The following F5 variants were observed in gnomAD, a reference collection of about 807,000 sequenced individuals.
F5 encodes activated protein c cofactor.
F5 carries 138 observed loss-of-function variants against 216.4 expected under a neutral mutation model. That is an observed-to-expected ratio of 0.64 (90% CI 0.56 to 0.73). F5 has a LOEUF of 0.73. F5 is among the 30% of genes least tolerant of loss of function. The pLI is 0.00. For missense variants in F5, 2,403 were observed against 2,674.0 expected (o/e 0.90, Z 2.24); for synonymous variants, 916 against 930.7 (o/e 0.98, Z 0.29).
chr1:169,528,388 G>A (rs1051124980), intron 16 of F5, among the ~76,000 whole-genome samples: 7 of 152,108 alleles, frequency 4.6e-5, no homozygotes, highest in East Asian at 3.8e-4. Flanking sequence ...TGCTTTACCC[G>A]TGTATACTTT....
At chr1:169,517,407 C>G (rs1659185805) in intron 23 of F5, among the ~76,000 whole-genome samples, 1 of 152,100 alleles carries the variant, frequency 6.6e-6, no homozygotes. Context: ...ATTTACGCCA[C>G]CAGCACCACA....
At position 169,586,440 on chromosome 1, in the gene F5, T is replaced by G; in HGVS notation, c.-54A>C. 6.3e-7 allele frequency: 1 copy of G among 1,582,702 alleles called. No individual in the cohort carries two copies. The highest frequency in any genetic ancestry group is 1.1e-5 in the South Asian group (1 of 88,634). ...ACCACCCCAGGACCTGGGCAGCGCT[T>G]GCCGAGCTGCTAACCACACTCCGGG... On this transcript the variant is annotated 5_prime_UTR_variant, in exon 1 of 25. Coordinates refer to ENST00000367797, the MANE Select transcript of F5 (RefSeq NM_000130.5).
chr1:169,582,317 A>AT, intron 2 of F5, 114 bp downstream of exon 2: 1 of 604,004 alleles, frequency 1.7e-6, no homozygotes, highest in South Asian at 2.2e-5. Flanking sequence ...TTCTTAAAAA[A>AT]AAAACCACAC....
intron 20 of F5, among the ~76,000 whole-genome samples, chr1:169,523,578 G>A (rs1659361030): frequency 6.6e-6 from 1 of 152,172 alleles, no homozygotes; most frequent in Non-Finnish European, 1.5e-5. Context: ...AAGGTAGGTA[G>A]TATCTCTGTG....
Position 169,518,450 on chromosome 1 carries a change from G to A in F5, c.6307C>T (p.Leu2103=). 1 of 1,613,816 alleles carries A rather than the reference G, an allele frequency of 6.2e-7. No individual in the cohort carries two copies. Among genetic ancestry groups the A allele is most frequent in the Non-Finnish European group, 8.5e-7 (1 of 1,179,812 alleles). Residue 2103 remains leucine (L), a synonymous_variant, in exon 23 of 25, where the codon CTG becomes TTG. Transcript: ENST00000367797. ...GDYWEPFRAR[L]NAQGRVNAWQ... Reference sequence around the variant, plus strand: ...GCATTCACACGTCCCTGGGCATTCAGACGGGCACGGAAGGGTTCCCAGTAA... The same window carrying A: ...GCATTCACACGTCCCTGGGCATTCAAACGGGCACGGAAGGGTTCCCAGTAA...
rs551194028 is a variant in F5, at chr1:169,518,598, C to T, written c.6194-35G>A. On this transcript the variant is annotated intron_variant, in intron 22 of 24. Coordinates refer to ENST00000367797, the MANE Select transcript of F5 (RefSeq NM_000130.5). ...GAAAAGTAACGTGATTAATTACACA[C>T]CAATATTCCCTGCATGGCTTCATGC... is the stretch of plus-strand genomic sequence containing the variant. 5.6e-6 allele frequency: 9 copies of T among 1,610,696 alleles called. No individual in the cohort carries two copies. The South Asian group carries it at 8.8e-5, about 16-fold the overall frequency.
intron 10 of F5, among the ~76,000 whole-genome samples, chr1:169,547,591 G>T (rs767576503): frequency 1.1e-4 from 17 of 152,088 alleles, no homozygotes; most frequent in African/African-American, 3.9e-4. Context: ...TGAAAAAAAC[G>T]CTCAACATCA....
intron 19 of F5, among the ~76,000 whole-genome samples, chr1:169,524,224 C>G (rs543412325): frequency 1.2e-3 from 188 of 152,350 alleles, no homozygotes; most frequent in Middle Eastern, 0.01. Flanking sequence ...GGAGCCTCAT[C>G]ATCCTCTTGA....
At chr1:169,527,142 A>G (rs1190047714) in intron 17 of F5, among the ~76,000 whole-genome samples, 1 of 152,110 alleles carries the variant, frequency 6.6e-6, no homozygotes, top group Non-Finnish European at 1.5e-5. Flanking sequence ...ATTACTTTTA[A>G]TAGAAGGCAA....
chr1:169,534,216 G>C (rs1285142336), intron 14 of F5, among the ~76,000 whole-genome samples: 1 of 152,068 alleles, frequency 6.6e-6, no homozygotes, highest in South Asian at 2.1e-4. Context: ...TTGCTCACTC[G>C]GGGAGCTCGG....
chr1:169,582,519 C>A lies in F5; in HGVS notation c.162G>T (p.Leu54Phe). ...TCTTAAAGGAAGTTACAGAAAGATT[C>A]AAACTGGAAATAAAATACAAAAACT... Reference protein sequence around the residue: ...SYRPEPTNSSLNLSVTSFKKI... With the variant: ...SYRPEPTNSSFNLSVTSFKKI... The change falls in exon 2 of 25, where the codon TTG becomes TTT. Residue 54 changes from leucine to phenylalanine, a missense_variant. Physicochemically the swap from Leu to Phe is conservative, Grantham distance 22. Around this residue, in one of 4 missense-constraint regions of F5, gnomAD observed 1,425 missense variants for 1,554.8 expected, o/e 0.92. Transcript: ENST00000367797. 6.6e-7 allele frequency: 1 copy of A among 1,510,798 alleles called. No homozygotes were observed. The highest frequency in any genetic ancestry group is 1.4e-5 in the African/African-American group (1 of 73,138). The allele number at this position is 1,510,798 out of a possible 1,614,324, so 93.6% of individuals were successfully genotyped here.
At chr1:169,526,331 G>A (rs9332634) in intron 17 of F5, among the ~76,000 whole-genome samples, 19 of 152,168 alleles carry the variant, frequency 1.2e-4, no homozygotes, top group Admixed American at 3.9e-4. Context: ...AAGTGACCTC[G>A]AATGACATCA....
rs1660453130 is a variant in F5, at chr1:169,560,601, T to G, written c.539A>C (p.Glu180Ala). 5 of 1,613,668 alleles carry G rather than the reference T, an allele frequency of 3.1e-6. No homozygotes were observed. The South Asian group carries it at 4.4e-5, about 14-fold the overall frequency. The change falls in exon 4 of 25, where the codon GAG becomes GCG. Residue 180 changes from glutamate to alanine, a missense_variant. By Grantham distance (107) the Glu-to-Ala change is moderately radical. This residue lies in a region of F5 where 1,425 missense variants were observed against 1,554.8 expected (regional missense o/e 0.92). Transcript: ENST00000367797. ...CCCAATCAGCCCCGAGTTGAAATCC[T>G]CGATCAGATTTTCATGGGAGTAATA... The part of the protein sequence containing the change: ...HIYYSHENLI[E>A]DFNSGLIGPL...
intron 14 of F5, 110 bp downstream of exon 14, chr1:169,536,396 C>T: frequency 3.4e-6 from 3 of 886,854 alleles, no homozygotes; most frequent in South Asian, 2.8e-5. Context: ...ATTCATTAAT[C>T]CTGGAAAACA....
chr1:169,528,628 G>C (rs1659515926), intron 16 of F5, among the ~76,000 whole-genome samples: 1 of 152,042 alleles, frequency 6.6e-6, no homozygotes, highest in African/African-American at 2.4e-5. Flanking sequence ...TTCTCTTATT[G>C]GTATGACAAC....
Position 169,586,334 on chromosome 1 carries a change from C to T in F5, c.53G>A (p.Trp18Ter). The T allele has an allele frequency of 6.2e-7, 1 of 1,614,090 alleles. No homozygotes were observed. The highest frequency in any genetic ancestry group is 8.5e-7 in the Non-Finnish European group (1 of 1,180,008). Residue 18 changes from tryptophan (W) to a stop codon, truncating the protein, a stop_gained, in exon 1 of 25, where the codon TGG (tryptophan) becomes TAG (stop). Coordinates refer to ENST00000367797, the MANE Select transcript of F5 (RefSeq NM_000130.5). LOFTEE classifies it high-confidence loss of function. ...TGTCCCTTGGCTCCCCCAGCCTACC[C>T]AGCTGGTGCCCAAGACCACCAGGAC... Reference protein sequence around the residue: ...LWVLVVLGTSWVGWGSQGTEA... With the variant: ...LWVLVVLGTS
chr1:169,567,472 T>C (rs893843858), intron 3 of F5, among the ~76,000 whole-genome samples: 1 of 151,722 alleles, frequency 6.6e-6, no homozygotes, highest in Non-Finnish European at 1.5e-5. Flanking sequence ...GACACAAACT[T>C]CCAATCCATT....
At chr1:169,546,958 G>A (rs1231626930) in intron 10 of F5, among the ~76,000 whole-genome samples, 7 of 124,778 alleles carry the variant, frequency 5.6e-5, no homozygotes, top group Non-Finnish European at 8.3e-5. Flanking sequence ...GGCAAAACCC[G>A]TCTCTACTAA....
intron 8 of F5, among the ~76,000 whole-genome samples, chr1:169,552,280 A>G (rs1224916975): frequency 1.3e-5 from 2 of 152,218 alleles, no homozygotes; most frequent in African/African-American, 4.8e-5. Flanking sequence ...GTCACATGGT[A>G]TCTACTTATC....
Sources: gnomAD v4.1 joint callset for allele counts (sites outside exome capture counted in the v4.1 genomes callset) on GRCh38, gnomAD v4.1.1 for gene constraint, gnomAD v4.1.1 regional missense constraint, MANE v1.5 for transcripts, NCBI Gene and HGNC (gene_info 2026-07-23, HGNC 2026-07-21) for gene names.